The following LIMS2 variants were observed in gnomAD, a reference collection of about 807,000 sequenced individuals.
LIMS2 encodes the protein LIM zinc finger domain containing 2.
In LIMS2, 30 loss-of-function variants were observed where a neutral mutation model predicts 45.3. That is an observed-to-expected ratio of 0.66 (90% CI 0.50 to 0.90). LIMS2 has a LOEUF of 0.90. Ranked by LOEUF, LIMS2 falls within the 40% of genes least tolerant of loss-of-function variation. LIMS2 has a pLI of 0.00. For synonymous variants in LIMS2, 173 were observed against 188.0 expected (o/e 0.92, Z 0.65); for missense variants, 485 against 468.7 (o/e 1.03, Z -0.32).
At chr2:127,674,863 G>C in intron 1 of LIMS2, 151 bp downstream of exon 1, 1 of 1,209,878 alleles carries the variant, frequency 8.3e-7, no homozygotes, top group Non-Finnish European at 1.0e-6. Flanking sequence ...GCCCCGACGG[G>C]CGCTGCCGCC....
chr2:127,659,825 C>A (rs2105311151), intron 1 of LIMS2, among the ~76,000 whole-genome samples: 2 of 152,342 alleles, frequency 1.3e-5, no homozygotes, highest in Middle Eastern at 3.4e-3. Flanking sequence ...CTGTTCTCTG[C>A]CTCCAGGAAC....
At chr2:127,663,426 C>T (rs138487899) in intron 1 of LIMS2, among the ~76,000 whole-genome samples, 12 of 152,076 alleles carry the variant, frequency 7.9e-5, no homozygotes, top group African/African-American at 2.9e-4. Flanking sequence ...CCACTCGGTG[C>T]CCTCCTTCCT....
chr2:127,650,674 A>G (rs1683654808), intron 4 of LIMS2: 5 of 1,374,742 alleles, frequency 3.6e-6, no homozygotes, highest in Non-Finnish European at 4.0e-6. Flanking sequence ...GAAGCTGCCT[A>G]GATCGCAAGC....
upstream of LIMS2, among the ~76,000 whole-genome samples, chr2:127,677,197 C>T (rs1158327717): frequency 6.6e-6 from 1 of 152,228 alleles, no homozygotes; most frequent in Non-Finnish European, 1.5e-5. The surrounding 1 kb of genome is among the most constrained non-coding windows in gnomAD (Gnocchi z 5.0). Flanking sequence ...GGCAATCACA[C>T]ATTCACACAC....
chr2:127,660,415 T>C (rs940920603), intron 1 of LIMS2, among the ~76,000 whole-genome samples: 2 of 152,218 alleles, frequency 1.3e-5, no homozygotes, highest in Non-Finnish European at 2.9e-5. Context: ...CTTTATGAGC[T>C]GTAATGTTCA....
At chr2:127,640,403 C>A in intron 7 of LIMS2, 85 bp from the exon 8 acceptor site, 1 of 1,422,080 alleles carries the variant, frequency 7.0e-7, no homozygotes, top group South Asian at 1.2e-5. Context: ...GGCCCTCCAA[C>A]ACGGCCCCTC....
chr2:127,640,234 A>T (rs764101778), intron 8 of LIMS2, 36 bp downstream of exon 8: 1 of 1,612,762 alleles, frequency 6.2e-7, no homozygotes, highest in Non-Finnish European at 8.5e-7. Context: ...GCCCCAGGAG[A>T]GCAGGTGGGG....
At chr2:127,666,112 CT>C (rs1164037404) in intron 1 of LIMS2, among the ~76,000 whole-genome samples, 2 of 152,138 alleles carry the variant, frequency 1.3e-5, no homozygotes, top group Non-Finnish European at 2.9e-5. Context: ...ATACTGTAAA[CT>C]GAATCTAGAA....
chr2:127,648,918 A>G (rs1327559185), intron 4 of LIMS2, among the ~76,000 whole-genome samples: 1 of 127,160 alleles, frequency 7.9e-6, no homozygotes, highest in Non-Finnish European at 1.6e-5. Flanking sequence ...GACCTTGAAA[A>G]AGAGAAAGAA....
At chr2:127,648,880 C>T (rs1286010294) in intron 4 of LIMS2, among the ~76,000 whole-genome samples, 1 of 148,426 alleles carries the variant, frequency 6.7e-6, no homozygotes, top group African/African-American at 2.5e-5. Context: ...GATTGCACCA[C>T]TGCACTCCAG....
At position 127,654,862 on chromosome 2, in the gene LIMS2, TG is replaced by T. The variant is rs1684146185; in HGVS notation, c.205del (p.Gln69LysfsTer23). The T allele has an allele frequency of 6.2e-7, 1 of 1,614,066 alleles. No homozygotes were observed. The highest frequency in any genetic ancestry group is 8.5e-7 in the Non-Finnish European group (1 of 1,180,038). On this transcript the variant is annotated frameshift_variant, in exon 3 of 10. Coordinates refer to ENST00000355119, the MANE Select transcript of LIMS2 (RefSeq NM_001161403.3). LOFTEE classifies it high-confidence loss of function. ...EGRKYCEHDFQMLFAPCCGSC... is the reference protein window; with the variant it reads ...EGRKYCEHDFXMLFAPCCGSC... ...TCCACAGCACGGAGCAAACAGCATT[TG>T]GAAGTCGTGTTCGCAGTACTTCCGG...
At chr2:127,651,135 G>A in intron 4 of LIMS2, 1 of 1,613,332 alleles carries the variant, frequency 6.2e-7, no homozygotes, top group Non-Finnish European at 8.5e-7. Flanking sequence ...CCTGGCCATT[G>A]TGCACCCGGT....
chr2:127,644,028 C>T (rs1682695259), intron 4 of LIMS2: 1 of 456,120 alleles, frequency 2.2e-6, no homozygotes, highest in Non-Finnish European at 4.4e-6. Flanking sequence ...ACCCCAGATG[C>T]CAGGGCCACC....
intron 4 of LIMS2, among the ~76,000 whole-genome samples, chr2:127,645,376 T>A (rs1020374472): frequency 1.3e-5 from 2 of 152,214 alleles, no homozygotes; most frequent in Admixed American, 1.3e-4. Flanking sequence ...GATGTATCAT[T>A]TTCAGAAAGA....
chr2:127,650,439 T>C, intron 4 of LIMS2: 1 of 546,326 alleles, frequency 1.8e-6, no homozygotes, highest in Non-Finnish European at 3.2e-6. Context: ...CTCCCAGCTC[T>C]GAGGAGCCTC....
At position 127,666,474 on chromosome 2, in the gene LIMS2, A is replaced by G. The variant is rs189359057; in HGVS notation, c.11+8540T>C. ...CTCCCTAACTCCATGGCTTCCTTGA[A>G]TAATAATAGCTCGTGGTCCCAGTAA... On this transcript the variant is annotated intron_variant, in intron 1 of 9. Transcript: ENST00000355119. 2.2e-3 allele frequency among the ~76,000 whole-genome samples: 342 copies of G among 152,256 alleles called. 1 individual carries two copies. The highest frequency in any genetic ancestry group is 7.9e-3 in the African/African-American group (328 of 41,516).
rs142215663 is a variant in LIMS2, at chr2:127,647,018, C to T, written c.360-3946G>A. On this transcript the variant is annotated intron_variant, in intron 4 of 9. Transcript: ENST00000355119. This position sits in a 1 kb window ranked among gnomAD's most constrained non-coding sequence, Gnocchi z 4.3. The stretch of plus-strand genomic sequence containing the variant: ...AGAGCGAGGGGCACGCCCTTCGGCC[C>T]GGGCAGGAAGTGGAGGGCAGTGCCC... Among the ~76,000 whole-genome samples, 2 of 152,258 alleles carry T rather than the reference C, an allele frequency of 1.3e-5. No individual in the cohort carries two copies. The highest frequency in any genetic ancestry group is 1.9e-4 in the East Asian group (1 of 5,168).
At chr2:127,656,137 G>C (rs1422528472) in intron 2 of LIMS2, 1 of 152,258 alleles carries the variant, frequency 6.6e-6, no homozygotes, top group African/African-American at 2.4e-5. Flanking sequence ...GGTATGCTTT[G>C]AGTATTTGTT....
In LIMS2 at chr2:127,675,181, C is replaced by G. The variant is rs1685455214; in HGVS notation, c.-157G>C. The G allele has an allele frequency of 2.9e-4, 34 of 117,530 alleles. No homozygotes were observed. Among genetic ancestry groups the G allele is most frequent in the South Asian group, 3.7e-4 (1 of 2,738 alleles). 7.3% of individuals were successfully genotyped at this position (117,530 alleles called of 1,614,324 possible). ...CCGCTCCGCCCGCGAGAGGGGTGGG[C>G]GGGGGTGGCAGGGTGGGGCCCGCGG... On this transcript the variant is annotated 5_prime_UTR_variant, in exon 1 of 10. Transcript: ENST00000355119.
Sources: gnomAD v4.1 joint callset for allele counts (sites outside exome capture counted in the v4.1 genomes callset) on GRCh38, gnomAD v4.1.1 for gene constraint, Gnocchi (gnomAD v3.1) non-coding constraint, MANE v1.5 for transcripts, NCBI Gene and HGNC (gene_info 2026-07-23, HGNC 2026-07-21) for gene names.